LRP1B: variants seen among roughly 807,000 people sequenced by gnomAD.
The protein encoded by LRP1B is LDL receptor related protein 1B, also known as low-density lipoprotein receptor-related protein 1B.
Under a neutral mutation model 556.6 loss-of-function variants are expected in LRP1B, and 217 were observed. The observed-to-expected ratio is 0.39, with a 90% CI of 0.35 to 0.44. The LOEUF is 0.44. Ranked by LOEUF, LRP1B falls within the 20% of genes least tolerant of loss-of-function variation. LRP1B has a pLI of 1.00. For synonymous variants in LRP1B, 2,047 were observed against 1,865.8 expected, an observed-to-expected ratio of 1.10 and a Z score of -2.50; for missense variants, 5,053 against 5,620.8, an observed-to-expected ratio of 0.90 and a Z score of 3.23.
At chr2:140,813,884 G>GT in intron 31 of LRP1B, 78 bp from the exon 32 acceptor site, 2 of 1,029,840 alleles carry the variant, frequency 1.9e-6, no homozygotes, top group Non-Finnish European at 2.8e-6. Flanking sequence ...CTGGATTTGA[G>GT]GGGAAAAAAA....
chr2:140,693,208 A>C (rs1327269471), intron 41 of LRP1B, among the ~76,000 whole-genome samples: 1 of 152,132 alleles, frequency 6.6e-6, no homozygotes, highest in African/African-American at 2.4e-5. Context: ...TCAAGGAGAG[A>C]CTACAAATTT....
intron 35 of LRP1B, among the ~76,000 whole-genome samples, chr2:140,739,036 G>A (rs944572541): frequency 1.3e-5 from 2 of 152,162 alleles, no homozygotes; most frequent in East Asian, 3.9e-4. Flanking sequence ...AGCATGTGCA[G>A]CATGGTCTGC....
rs59717868 is a variant in LRP1B, at chr2:140,936,339, CAAAAAA to C, written c.3137-13198_3137-13193del. Among the ~76,000 whole-genome samples, 110 of 86,816 alleles carry C rather than the reference CAAAAAA, an allele frequency of 1.3e-3. 1 individual carries two copies. Among genetic ancestry groups the C allele is most frequent in the African/African-American group, 4.5e-3 (98 of 21,618 alleles). 57.0% of individuals were successfully genotyped at this position (86,816 alleles called of 152,430 possible). On this transcript the variant is annotated intron_variant, in intron 20 of 90. Coordinates refer to ENST00000389484, the MANE Select transcript of LRP1B (RefSeq NM_018557.3). Reference sequence around the variant, plus strand: ...TGGTTGACAGAGGGAGACTCCGTCTCAAAAAAAAAAAAAAAAAAAAAAAGAAAGGAA... The same window carrying C: ...TGGTTGACAGAGGGAGACTCCGTCTCAAAAAAAAAAAAAAAAAGAAAGGAA...
chr2:140,755,612 T>C (rs1202642055), intron 35 of LRP1B, among the ~76,000 whole-genome samples: 5 of 151,934 alleles, frequency 3.3e-5, no homozygotes, highest in Non-Finnish European at 7.4e-5. Flanking sequence ...AAGCATCTAA[T>C]AAAATATACA....
intron 2 of LRP1B, among the ~76,000 whole-genome samples, chr2:141,586,472 T>C (rs1687139199): frequency 2.0e-5 from 3 of 152,198 alleles, no homozygotes; most frequent in South Asian, 4.1e-4. Flanking sequence ...GAAATACATC[T>C]AAGGCATTTT....
intron 21 of LRP1B, among the ~76,000 whole-genome samples, chr2:140,921,393 C>T (rs889021070): frequency 1.3e-5 from 2 of 151,780 alleles, no homozygotes; most frequent in Non-Finnish European, 2.9e-5. Flanking sequence ...TAAGTTAATA[C>T]AATCAGGAAA....
chr2:141,429,657 A>C (rs138623535), intron 3 of LRP1B, among the ~76,000 whole-genome samples: 46 of 152,088 alleles, frequency 3.0e-4, no homozygotes, highest in African/African-American at 1.1e-3. Context: ...CCGCCCTCCA[A>C]CAGGCCCCAG....
chr2:140,339,539 T>A (rs2105093512), intron 77 of LRP1B, among the ~76,000 whole-genome samples: 1 of 151,742 alleles, frequency 6.6e-6, no homozygotes, highest in East Asian at 1.9e-4. Context: ...TGGAATTGTA[T>A]TAAAACAAAG....
intron 57 of LRP1B, among the ~76,000 whole-genome samples, chr2:140,489,511 C>G (rs371902229): frequency 1.3e-5 from 2 of 152,024 alleles, no homozygotes; most frequent in South Asian, 4.1e-4. Context: ...CTGGAGAACT[C>G]CTTAACTAAA....
intron 1 of LRP1B, among the ~76,000 whole-genome samples, chr2:141,811,638 T>C (rs559498748): frequency 6.6e-6 from 1 of 152,234 alleles, no homozygotes; most frequent in East Asian, 1.9e-4. Flanking sequence ...ACTCAAACTA[T>C]AGCTATTTCG....
chr2:141,305,898 T>C (rs1474370141), intron 3 of LRP1B, among the ~76,000 whole-genome samples: 2 of 152,220 alleles, frequency 1.3e-5, no homozygotes, highest in Non-Finnish European at 2.9e-5. Context: ...TTTCTTGATT[T>C]GCATATGTTG....
chr2:141,396,941 C>T (rs1181127194), intron 3 of LRP1B, among the ~76,000 whole-genome samples: 1 of 151,306 alleles, frequency 6.6e-6, no homozygotes, highest in Non-Finnish European at 1.5e-5. Context: ...GGAGAAACCC[C>T]ATCGCTACTA....
At chr2:141,547,118 C>A (rs932509059) in intron 2 of LRP1B, among the ~76,000 whole-genome samples, 6 of 152,112 alleles carry the variant, frequency 3.9e-5, no homozygotes, top group African/African-American at 1.2e-4. Flanking sequence ...GTAAACCAAA[C>A]GCATCTAAAA....
chr2:140,748,127 ATATATATAT>A (rs1559093638), intron 35 of LRP1B, among the ~76,000 whole-genome samples: 1,360 of 68,786 alleles, frequency 0.02, 48 homozygotes, highest in African/African-American at 0.033. Context: ...ATATATATAT[ATATATATAT>A]AATTCATATA....
chr2:141,112,094 T>TAAATAAATAAAA, intron 7 of LRP1B, among the ~76,000 whole-genome samples: 1 of 151,226 alleles, frequency 6.6e-6, no homozygotes, highest in Admixed American at 6.6e-5. Flanking sequence ...AATAAATAAA[T>TAAATAAATAAAA]AAATTCTACT....
intron 2 of LRP1B, among the ~76,000 whole-genome samples, chr2:141,516,885 T>G (rs2381192): frequency 6.7e-6 from 1 of 150,298 alleles, no homozygotes; most frequent in Non-Finnish European, 1.5e-5. Flanking sequence ...TTTGGAGAGA[T>G]GGAGTTTCAG....
chr2:140,762,443 G>A (rs377410020), intron 35 of LRP1B, among the ~76,000 whole-genome samples: 11 of 152,090 alleles, frequency 7.2e-5, no homozygotes, highest in Non-Finnish European at 1.6e-4. Context: ...CTCCTGTGAT[G>A]TAGTAAGTGT....
At chr2:141,254,766 T>G in intron 3 of LRP1B, 125 bp from the exon 4 acceptor site, 1 of 630,956 alleles carries the variant, frequency 1.6e-6, no homozygotes, top group Non-Finnish European at 2.5e-6. Flanking sequence ...ATGATTGGTC[T>G]AGAAAAAAAT....
chr2:142,084,843 A>C (rs1408866536), intron 1 of LRP1B, among the ~76,000 whole-genome samples: 6 of 151,980 alleles, frequency 3.9e-5, no homozygotes, highest in Non-Finnish European at 8.8e-5. Context: ...AAACGAAAGT[A>C]GTTTCAAAAT....
Sources: allele counts gnomAD v4.1 joint callset (sites outside exome capture counted in the v4.1 genomes callset), GRCh38; gene constraint gnomAD v4.1.1; transcripts MANE v1.5; gene names NCBI Gene and HGNC (gene_info 2026-07-23, HGNC 2026-07-21).